Variants in USHBP1 observed in about 807,000 individuals in gnomAD.
USHBP1 encodes the protein USH1 protein network component harmonin binding protein 1.
Under a neutral mutation model 76.2 loss-of-function variants are expected in USHBP1, and 67 were observed. The observed-to-expected ratio is 0.88, with a 90% CI of 0.72 to 1.08. USHBP1 has a LOEUF of 1.08. USHBP1 is among the 50% of genes least tolerant of loss of function. USHBP1 has a pLI of 0.00. For synonymous variants in USHBP1, 322 were observed against 362.2 expected, an observed-to-expected ratio of 0.89 and a Z score of 1.26; for missense variants, 931 against 915.0, an observed-to-expected ratio of 1.02 and a Z score of -0.23.
chr19:17,263,732 T>C (rs553809870), intron 3 of USHBP1: 11 of 369,318 alleles, frequency 3.0e-5, no homozygotes, highest in African/African-American at 2.3e-4. Flanking sequence ...CTTAGCCGGA[T>C]GTGGTGGCGC....
Position 17,251,639 on chromosome 19 carries a change from C to G in USHBP1, c.1865G>C (p.Gly622Ala). The change falls in exon 12 of 13, where the codon GGG becomes GCG. Residue 622 changes from glycine (G) to alanine (A), a missense_variant. Transcript: ENST00000252597. ...GGCACTCTGAGACCGTCTGGCTCGC[C>G]CCTTCTGAGCCACCTGTTCCAGCTC... ...RRELEQVAQK[G>A]RARRSQSAEL... is the part of the protein sequence containing the mutation. The G allele has an allele frequency of 6.2e-7, 1 of 1,613,958 alleles. No individual in the cohort carries two copies. Among genetic ancestry groups the G allele is most frequent in the South Asian group, 1.1e-5 (1 of 91,082 alleles).
At chr19:17,252,774 C>A (rs1316519109) in intron 10 of USHBP1, among the ~76,000 whole-genome samples, 1 of 151,022 alleles carries the variant, frequency 6.6e-6, no homozygotes, top group Non-Finnish European at 1.5e-5. Context: ...GGAGTCCCAA[C>A]TAACTGGGCG....
At chr19:17,254,326 T>G (rs1374111751) in intron 10 of USHBP1, among the ~76,000 whole-genome samples, 3 of 143,958 alleles carry the variant, frequency 2.1e-5, no homozygotes, top group South Asian at 4.4e-4. Context: ...CAGCCTGGGC[T>G]ACAGAGCGAC....
intron 4 of USHBP1, among the ~76,000 whole-genome samples, chr19:17,262,086 C>T (rs909650553): frequency 1.3e-5 from 2 of 148,916 alleles, no homozygotes; most frequent in Non-Finnish European, 3.0e-5. Flanking sequence ...CTGCCATCTC[C>T]ATCACCCGGG....
At chr19:17,260,606 A>C (rs926845624) in intron 4 of USHBP1, among the ~76,000 whole-genome samples, 1 of 152,172 alleles carries the variant, frequency 6.6e-6, no homozygotes, top group Non-Finnish European at 1.5e-5. Context: ...CTGGGATTAC[A>C]GGCATGAGAC....
rs1158720194 is a variant in USHBP1 at position 17,264,329 on chromosome 19, G to A, written c.-30C>T. 1 of 1,595,244 alleles carries A rather than the reference G, an allele frequency of 6.3e-7. No homozygotes were observed. Among genetic ancestry groups the A allele is most frequent in the East Asian group, 2.3e-5 (1 of 44,212 alleles). ...GTCCAGAAGCCAGTGCCCTCTGAAT[G>A]CTTCTCCTTCGTCAACCCCTAAAAC... On this transcript the variant is annotated 5_prime_UTR_variant, in exon 2 of 13. Transcript: ENST00000252597.
chr19:17,264,075 G>A lies in USHBP1; in HGVS notation c.130C>T (p.Pro44Ser). The A allele has an allele frequency of 1.2e-6, 2 of 1,613,856 alleles. No homozygotes were observed. The highest frequency in any genetic ancestry group is 1.7e-6 in the Non-Finnish European group (2 of 1,179,880). The change falls in exon 3 of 13, where the codon CCA becomes TCA. Residue 44 changes from proline to serine, a missense_variant. Coordinates refer to ENST00000252597, the MANE Select transcript of USHBP1 (RefSeq NM_031941.4). ...TCCAGCCCGGAGCTCACCGGAGGTGGGGCAAAGCTGGGCTTGGAGCTCCCA... is the reference window on the plus strand; with the variant it reads ...TCCAGCCCGGAGCTCACCGGAGGTGAGGCAAAGCTGGGCTTGGAGCTCCCA... ...ASGSSKPSFA[P>S]PPVSSGLEQL... is the part of the protein sequence containing the mutation.
At chr19:17,263,880 T>A in intron 3 of USHBP1, 122 bp downstream of exon 3, 4 of 1,319,878 alleles carry the variant, frequency 3.0e-6, no homozygotes, top group African/African-American at 1.5e-5. Context: ...AAAAAGAAAG[T>A]CAGGCTGAAG....
At position 17,262,775 on chromosome 19, in the gene USHBP1, G is replaced by A. The variant is rs761814244; in HGVS notation, c.419C>T (p.Pro140Leu). Residue 140 changes from proline (P) to leucine (L), a missense_variant, in exon 4 of 13, where the codon CCC (proline) becomes CTC (leucine). Physicochemically the swap from Pro to Leu is moderately conservative, Grantham distance 98. Coordinates refer to ENST00000252597, the MANE Select transcript of USHBP1 (RefSeq NM_031941.4). ...EAAAAAWRHQ[P>L]PSHSGPMEFE... ...CTCCATCGGCCCAGAATGGCTGGGG[G>A]GCTGGTGGCGCCAGGCTGCAGCCGC... is the stretch of plus-strand genomic sequence containing the variant. 1.2e-6 allele frequency: 2 copies of A among 1,614,174 alleles called. No homozygotes were observed. The highest frequency in any genetic ancestry group is 1.1e-5 in the South Asian group (1 of 91,092).
chr19:17,260,439 C>T (rs1439009822), intron 4 of USHBP1, among the ~76,000 whole-genome samples: 3 of 152,216 alleles, frequency 2.0e-5, no homozygotes, highest in Non-Finnish European at 4.4e-5. Flanking sequence ...AAGTGATTCT[C>T]CTGCTTCAGC....
chr19:17,257,603 T>C (rs1217238134), intron 8 of USHBP1, among the ~76,000 whole-genome samples: 5 of 143,908 alleles, frequency 3.5e-5, no homozygotes, highest in South Asian at 2.3e-4. Flanking sequence ...GATCGGACCA[T>C]TGGACTCTAG....
chr19:17,260,442 G>A (rs1032903030), intron 4 of USHBP1, among the ~76,000 whole-genome samples: 1 of 152,154 alleles, frequency 6.6e-6, no homozygotes, highest in Non-Finnish European at 1.5e-5. Flanking sequence ...TGATTCTCCT[G>A]CTTCAGCCTC....
In USHBP1 at chr19:17,255,710, G is replaced by A. The variant is rs1018728397; in HGVS notation, c.1471-104C>T. The stretch of plus-strand genomic sequence containing the variant: ...ACTGAGGACTATTCAGACAAAAACT[G>A]TGACTTTTGGCCAGGCGCAGTGGCT... On this transcript the variant is annotated intron_variant, in intron 9 of 12. Transcript: ENST00000252597. The A allele has an allele frequency of 4.6e-6, 6 of 1,296,060 alleles. No homozygotes were observed. In the South Asian group the frequency reaches 9.3e-5, roughly 20 times the overall value. 80.3% of individuals were successfully genotyped at this position (1,296,060 alleles called of 1,614,324 possible).
At position 17,264,034 on chromosome 19, in the gene USHBP1, C is replaced by T; in HGVS notation, c.171G>A (p.Met57Ile). 6.2e-7 allele frequency: 1 copy of T among 1,609,042 alleles called. No homozygotes were observed. Among genetic ancestry groups the T allele is most frequent in the South Asian group, 1.1e-5 (1 of 90,252 alleles). Residue 57 changes from methionine (M) to isoleucine (I), a missense_variant, in exon 3 of 13, where the codon ATG becomes ATA. Transcript: ENST00000252597. ...VSSGLEQLGPMEEVSGQGLGS... is the reference protein window; with the variant it reads ...VSSGLEQLGPIEEVSGQGLGS... ...CTAGGCCTTGGCCACTGACCTCCTCCATGGGGCCCAGCTGCTCCAGCCCGG... is the reference window on the plus strand; with the variant it reads ...CTAGGCCTTGGCCACTGACCTCCTCTATGGGGCCCAGCTGCTCCAGCCCGG...
intron 3 of USHBP1, 120 bp downstream of exon 3, chr19:17,263,882 A>G: frequency 1.5e-6 from 2 of 1,327,432 alleles, no homozygotes; most frequent in Non-Finnish European, 2.0e-6. Flanking sequence ...AAAGAAAGTC[A>G]GGCTGAAGGC....
chr19:17,262,658 C>G lies in USHBP1; in HGVS notation c.536G>C (p.Arg179Thr), dbSNP rs1190575780. The change falls in exon 4 of 13, where the codon AGG (arginine) becomes ACG (threonine). Residue 179 changes from arginine to threonine, a missense_variant. Transcript: ENST00000252597. ...CAGGGCCAGCCGGAGCCAGGCATTC[C>G]TCTCGGCCAGGCGAGCTGCCTCTCG... ...CQREAARLAE[R>T]NAWLRLALSS... 6.2e-7 allele frequency: 1 copy of G among 1,614,028 alleles called. No homozygotes were observed. The highest frequency in any genetic ancestry group is 8.5e-7 in the Non-Finnish European group (1 of 1,180,038).
chr19:17,255,656 C>A, intron 9 of USHBP1, 50 bp from the exon 10 acceptor site: 1 of 1,523,198 alleles, frequency 6.6e-7, no homozygotes, highest in Non-Finnish European at 8.9e-7. Context: ...CGGTCAACTG[C>A]AGGGAAACTG....
At chr19:17,258,708 CAAAAAA>C in intron 7 of USHBP1, 11 of 92,964 alleles carry the variant, frequency 1.2e-4, no homozygotes, top group South Asian at 2.0e-4. Context: ...GACTCTGTCT[CAAAAAA>C]AAAAAAAAAA....
chr19:17,256,410 C>T, intron 9 of USHBP1, 61 bp downstream of exon 9: 1 of 1,596,724 alleles, frequency 6.3e-7, no homozygotes. Context: ...GTCCCCCGAC[C>T]TCAGTAAAGG....
Sources: gnomAD v4.1 joint callset for allele counts (sites outside exome capture counted in the v4.1 genomes callset) on GRCh38, gnomAD v4.1.1 for gene constraint, MANE v1.5 for transcripts, NCBI Gene and HGNC (gene_info 2026-07-23, HGNC 2026-07-21) for gene names.